The following ZNF804B variants were observed in gnomAD, a reference collection of about 807,000 sequenced individuals.
The protein encoded by ZNF804B is zinc finger 804B.
Under a neutral mutation model 101.4 loss-of-function variants are expected in ZNF804B, and 80 were observed. That is an observed-to-expected ratio of 0.79 (90% CI 0.66 to 0.95). The LOEUF (loss-of-function observed/expected upper bound fraction) is 0.95, where lower values mean the gene tolerates loss of function less well. Among genes scored for constraint, ZNF804B ranks in the 40% least tolerant of loss-of-function variants. The probability of loss-of-function intolerance (pLI) is 0.00; values close to 1 mark genes in which losing one functional copy is unlikely to be tolerated. For synonymous variants in ZNF804B, 622 were observed against 558.8 expected, an observed-to-expected ratio of 1.11 and a Z score of -1.59; for missense variants, 1,673 against 1,561.9, an observed-to-expected ratio of 1.07 and a Z score of -1.20.
intron 1 of ZNF804B, among the ~76,000 whole-genome samples, chr7:88,942,499 TGA>T (rs149196196): frequency 1.6e-4 from 17 of 105,974 alleles, no homozygotes; most frequent in Middle Eastern, 3.9e-3. Context: ...GATATTTGAG[TGA>T]GTGTGTGTGT....
chr7:89,016,057 T>C (rs1220032021), intron 1 of ZNF804B, among the ~76,000 whole-genome samples: 1 of 152,230 alleles, frequency 6.6e-6, no homozygotes, highest in Non-Finnish European at 1.5e-5. Flanking sequence ...TATCTCATTG[T>C]GGTTTTGATT....
rs539156605 is a variant in ZNF804B at position 89,272,076 on chromosome 7, G to C, written c.249+53781G>C. 4.6e-3 allele frequency among the ~76,000 whole-genome samples: 701 copies of C among 151,908 alleles called. 14 individuals carry two copies. The highest frequency in any genetic ancestry group is 0.016 in the African/African-American group (667 of 41,438). On this transcript the variant is annotated intron_variant, in intron 2 of 3. Coordinates refer to ENST00000333190, the MANE Select transcript of ZNF804B (RefSeq NM_181646.5). The stretch of plus-strand genomic sequence containing the variant: ...AAATTATTCTCATTTTTTCTCAATA[G>C]TCTTGCAATTTCACATTCCATATTT...
Position 89,222,001 on chromosome 7 carries a change from C to T in ZNF804B, c.249+3706C>T, listed in dbSNP as rs112550955. Reference sequence around the variant, plus strand: ...ATTTAAGTGTTGTAAAAATTTTATACGTAGGACACTTAAAAGAGAGCACAC... The same window carrying T: ...ATTTAAGTGTTGTAAAAATTTTATATGTAGGACACTTAAAAGAGAGCACAC... On this transcript the variant is annotated intron_variant, in intron 2 of 3. Coordinates refer to ENST00000333190, the MANE Select transcript of ZNF804B (RefSeq NM_181646.5). Among the ~76,000 whole-genome samples, 1,314 of 151,874 alleles carry T rather than the reference C, an allele frequency of 8.7e-3. 15 individuals are homozygous for T. The highest frequency in any genetic ancestry group is 0.026 in the African/African-American group (1,095 of 41,468).
At position 89,281,306 on chromosome 7, in the gene ZNF804B, G is replaced by C. The variant is rs149017742; in HGVS notation, c.250-46038G>C. ...TCTGTATTAATTATTTTATGAGAGAGTCTTACAAATTTTGAAGAACTGCAT... is the reference window on the plus strand; with the variant it reads ...TCTGTATTAATTATTTTATGAGAGACTCTTACAAATTTTGAAGAACTGCAT... On this transcript the variant is annotated intron_variant, in intron 2 of 3. Coordinates refer to ENST00000333190, the MANE Select transcript of ZNF804B (RefSeq NM_181646.5). Among the ~76,000 whole-genome samples, 238 of 152,266 alleles carry C rather than the reference G, an allele frequency of 1.6e-3. 2 individuals carry two copies. Among genetic ancestry groups the C allele is most frequent in the African/African-American group, 5.3e-3 (221 of 41,558 alleles).
intron 1 of ZNF804B, among the ~76,000 whole-genome samples, chr7:88,988,248 A>T (rs1156582848): frequency 1.3e-5 from 2 of 152,030 alleles, no homozygotes; most frequent in East Asian, 3.9e-4. Context: ...ATATCATGAA[A>T]GTGTGGATTC....
At chr7:89,142,100 A>G (rs1790726769) in intron 1 of ZNF804B, among the ~76,000 whole-genome samples, 1 of 151,872 alleles carries the variant, frequency 6.6e-6, no homozygotes, top group South Asian at 2.1e-4. Context: ...TAAGAAACAA[A>G]GCAGTAGCCA....
intron 1 of ZNF804B, among the ~76,000 whole-genome samples, chr7:89,179,785 G>C (rs931761492): frequency 6.6e-6 from 1 of 152,128 alleles, no homozygotes; most frequent in African/African-American, 2.4e-5. Context: ...TGTTTCTTTA[G>C]AAGACTTTCC....
intron 1 of ZNF804B, among the ~76,000 whole-genome samples, chr7:88,842,798 T>G (rs954961531): frequency 1.3e-5 from 2 of 152,192 alleles, no homozygotes; most frequent in African/African-American, 4.8e-5. Flanking sequence ...CCAAGCTTGT[T>G]AAAGAAACTC....
At chr7:88,760,595 A>G (rs1789880257) in intron 1 of ZNF804B, among the ~76,000 whole-genome samples, 1 of 150,124 alleles carries the variant, frequency 6.7e-6, no homozygotes, top group Non-Finnish European at 1.5e-5. Context: ...TCAACTATGC[A>G]CATTCTTTAA....
At chr7:89,279,916 C>T (rs1250147557) in intron 2 of ZNF804B, among the ~76,000 whole-genome samples, 2 of 152,124 alleles carry the variant, frequency 1.3e-5, no homozygotes, top group Admixed American at 6.5e-5. Flanking sequence ...ACCTAATAGA[C>T]ATCTACAGAA....
At chr7:88,796,320 A>G (rs1364920446) in intron 1 of ZNF804B, among the ~76,000 whole-genome samples, 1 of 152,142 alleles carries the variant, frequency 6.6e-6, no homozygotes, top group Non-Finnish European at 1.5e-5. Context: ...ACAATGATAA[A>G]TTATCCAAGT....
intron 1 of ZNF804B, among the ~76,000 whole-genome samples, chr7:89,114,536 C>G (rs978796895): frequency 1.3e-5 from 2 of 152,190 alleles, no homozygotes; most frequent in African/African-American, 4.8e-5. Flanking sequence ...TATGGGTTTG[C>G]TCCTTGAATG....
chr7:89,156,742 A>T (rs1401254390), intron 1 of ZNF804B, among the ~76,000 whole-genome samples: 2 of 152,156 alleles, frequency 1.3e-5, no homozygotes, highest in Admixed American at 1.3e-4. Context: ...TAATGCAAAA[A>T]TTTAAAAATA....
intron 1 of ZNF804B, among the ~76,000 whole-genome samples, chr7:89,139,853 A>G (rs867191106): frequency 5.9e-5 from 9 of 152,056 alleles, no homozygotes; most frequent in Non-Finnish European, 1.3e-4. Flanking sequence ...AGATATTTTG[A>G]TCTTCTCTTA....
intron 1 of ZNF804B, among the ~76,000 whole-genome samples, chr7:88,891,808 T>C (rs1792219280): frequency 1.3e-5 from 2 of 152,132 alleles, no homozygotes; most frequent in Non-Finnish European, 2.9e-5. Flanking sequence ...GTTACATATG[T>C]ATACATGTGC....
rs374935470 is a variant in ZNF804B at position 89,287,323 on chromosome 7, C to T, written c.250-40021C>T. On this transcript the variant is annotated intron_variant, in intron 2 of 3. Coordinates refer to ENST00000333190, the MANE Select transcript of ZNF804B (RefSeq NM_181646.5). Reference sequence around the variant, plus strand: ...ATATATATACATATGTATACATACACGTGCACACACACGTATGTATGTATT... The same window carrying T: ...ATATATATACATATGTATACATACATGTGCACACACACGTATGTATGTATT... 4.0e-3 allele frequency among the ~76,000 whole-genome samples: 613 copies of T among 152,128 alleles called. 1 individual carries two copies. Among genetic ancestry groups the T allele is most frequent in the Middle Eastern group, 0.01 (3 of 294 alleles).
At chr7:89,270,497 T>G (rs528784266) in intron 2 of ZNF804B, among the ~76,000 whole-genome samples, 1 of 152,072 alleles carries the variant, frequency 6.6e-6, no homozygotes, top group African/African-American at 2.4e-5. Flanking sequence ...AGTCAGGTAG[T>G]CTGATGCCTC....
chr7:89,078,874 A>C (rs1015858431), intron 1 of ZNF804B, among the ~76,000 whole-genome samples: 1 of 152,152 alleles, frequency 6.6e-6, no homozygotes, highest in Middle Eastern at 3.4e-3. Flanking sequence ...ATGATATTAT[A>C]AGATATATAA....
intron 2 of ZNF804B, among the ~76,000 whole-genome samples, chr7:89,286,241 A>G (rs1790194056): frequency 6.6e-6 from 1 of 152,152 alleles, no homozygotes; most frequent in African/African-American, 2.4e-5. Flanking sequence ...CTCATTACAC[A>G]CAATCCTCTA....
Sources: allele counts gnomAD v4.1 joint callset (sites outside exome capture counted in the v4.1 genomes callset), GRCh38; gene constraint gnomAD v4.1.1; transcripts MANE v1.5; gene names NCBI Gene and HGNC (gene_info 2026-07-23, HGNC 2026-07-21).